Variants in STAT5B observed in about 807,000 individuals in gnomAD.
The protein encoded by STAT5B is transcription factor STAT5B.
In STAT5B, 21 loss-of-function variants were observed where a neutral mutation model predicts 107.8. The observed-to-expected ratio is 0.19, with a 90% CI of 0.14 to 0.28. STAT5B has a LOEUF of 0.28. Among genes scored for constraint, STAT5B ranks in the 10% least tolerant of loss-of-function variants. The probability of loss-of-function intolerance (pLI) is 1.00; values close to 1 mark genes in which losing one functional copy is unlikely to be tolerated. For missense variants in STAT5B, 565 were observed against 1,008.2 expected (o/e 0.56, Z 5.95); for synonymous variants, 325 against 401.7 (o/e 0.81, Z 2.28).
rs2080042308 is a variant in STAT5B, at chr17:42,201,420, C to T, written c.*318G>A. ...TTCCAGGCTTCACGAAACTCACTGC[C>T]TTTTTGCACAAAGTAAAAACCACCA... On this transcript the variant is annotated 3_prime_UTR_variant, in exon 19 of 19. Coordinates refer to ENST00000293328, the MANE Select transcript of STAT5B (RefSeq NM_012448.4). 8 of 596,970 alleles carry T rather than the reference C, an allele frequency of 1.3e-5. No individual in the cohort carries two copies. The South Asian group carries it at 1.4e-4, about 11-fold the overall frequency. The allele number at this position is 596,970 out of a possible 1,614,324, so 37.0% of individuals were successfully genotyped here.
Position 42,219,846 on chromosome 17 carries a change from G to A in STAT5B, c.551-4C>T. The A allele has an allele frequency of 1.9e-6, 3 of 1,614,190 alleles. No individual in the cohort carries two copies. Among genetic ancestry groups the A allele is most frequent in the South Asian group, 1.1e-5 (1 of 91,080 alleles). On this transcript the variant is annotated splice_region_variant and splice_polypyrimidine_tract_variant and intron_variant, in intron 5 of 18. Coordinates refer to ENST00000293328, the MANE Select transcript of STAT5B (RefSeq NM_012448.4). ...TGGGCCAGCGGGCCAAACTGAGCTA[G>A]AGGAGGGGAGAGGAAACCATGACCA... is the stretch of plus-strand genomic sequence containing the variant.
chr17:42,283,205 G>A, the STAT5B span, among the ~76,000 whole-genome samples: 5 of 152,234 alleles, frequency 3.3e-5, no homozygotes, highest in South Asian at 1.0e-3. Flanking sequence ...CGGGAAGAGC[G>A]GCCTGATAGT....
At chr17:42,202,614 G>T in intron 17 of STAT5B, 143 bp downstream of exon 17, 2 of 1,485,690 alleles carry the variant, frequency 1.3e-6, no homozygotes, top group Middle Eastern at 2.4e-4. Context: ...TACTGGCATA[G>T]CATCACCAAG....
At chr17:42,202,318 C>T in intron 18 of STAT5B, 22 bp downstream of exon 18, 3 of 1,613,514 alleles carry the variant, frequency 1.9e-6, no homozygotes, top group South Asian at 2.2e-5. Flanking sequence ...CCCCTGTGGA[C>T]CCCCACAAGA....
chr17:42,206,012 C>A (rs1254788671), intron 16 of STAT5B, among the ~76,000 whole-genome samples: 1 of 152,142 alleles, frequency 6.6e-6, no homozygotes, highest in East Asian at 1.9e-4. Context: ...CTTCTCTATC[C>A]CTCTACCTTG....
At chr17:42,220,971 C>A (rs2144256697) in intron 5 of STAT5B, among the ~76,000 whole-genome samples, 1 of 151,936 alleles carries the variant, frequency 6.6e-6, no homozygotes, top group Admixed American at 6.6e-5. Context: ...TTCCCATCAC[C>A]TTCTCAACAG....
chr17:42,212,580 C>T (rs111947797), intron 12 of STAT5B, among the ~76,000 whole-genome samples: 4,199 of 152,320 alleles, frequency 0.028, 205 homozygotes, highest in African/African-American at 0.097. Flanking sequence ...CGTATGTGTG[C>T]ACACGTGTCG....
At chr17:42,212,342 G>A in intron 12 of STAT5B, 152 bp from the exon 13 acceptor site, 1 of 1,325,628 alleles carries the variant, frequency 7.5e-7, no homozygotes, top group Non-Finnish European at 1.0e-6. Flanking sequence ...GGGGTACACG[G>A]TTCTGTGAAA....
chr17:42,263,011 TATATAA>T (rs1331457294), intron 1 of STAT5B, among the ~76,000 whole-genome samples: 59 of 41,932 alleles, frequency 1.4e-3, no homozygotes, highest in African/African-American at 8.3e-3. Flanking sequence ...TATATATATA[TATATAA>T]AAAAACAAAA....
intron 2 of STAT5B, among the ~76,000 whole-genome samples, chr17:42,228,781 G>T (rs961785407): frequency 2.0e-5 from 3 of 152,056 alleles, no homozygotes; most frequent in African/African-American, 7.2e-5. Context: ...AAACACAAAA[G>T]AAATTATCCG....
upstream of STAT5B, among the ~76,000 whole-genome samples, chr17:42,279,571 C>G (rs939626186): frequency 1.6e-4 from 24 of 152,052 alleles, no homozygotes; most frequent in Admixed American, 5.2e-4. Flanking sequence ...GTGGATCACC[C>G]GAGATCGGGA....
At chr17:42,248,973 G>GATC in intron 1 of STAT5B, among the ~76,000 whole-genome samples, 1 of 152,380 alleles carries the variant, frequency 6.6e-6, no homozygotes, top group East Asian at 1.9e-4. Context: ...AGGGCAGTAA[G>GATC]ATCATATGGA....
chr17:42,279,478 A>G (rs2144459441), upstream of STAT5B, among the ~76,000 whole-genome samples: 1 of 152,072 alleles, frequency 6.6e-6, no homozygotes, highest in South Asian at 2.1e-4. Context: ...TGGCAGCCAC[A>G]GGGCGCTAGT....
chr17:42,223,338 G>C (rs1336296813), intron 5 of STAT5B, 44 bp downstream of exon 5: 2 of 1,613,684 alleles, frequency 1.2e-6, no homozygotes. Flanking sequence ...CCAGTCCCCA[G>C]GCCCAATCCT....
intron 1 of STAT5B, among the ~76,000 whole-genome samples, chr17:42,255,110 C>T (rs117877344): frequency 1.4e-4 from 21 of 152,252 alleles, no homozygotes; most frequent in Admixed American, 5.9e-4. Flanking sequence ...AGTTTCTTAA[C>T]TGTCGTTTCT....
chr17:42,215,388 T>C (rs2080162838), intron 12 of STAT5B, among the ~76,000 whole-genome samples: 1 of 152,144 alleles, frequency 6.6e-6, no homozygotes, highest in African/African-American at 2.4e-5. Flanking sequence ...TTCTATGTTA[T>C]CTAATTTAAT....
chr17:42,237,791 G>A (rs955487268), intron 1 of STAT5B, among the ~76,000 whole-genome samples: 1 of 152,148 alleles, frequency 6.6e-6, no homozygotes, highest in African/African-American at 2.4e-5. Flanking sequence ...AAGACAGCCT[G>A]TTAAGCCTCT....
intron 5 of STAT5B, among the ~76,000 whole-genome samples, chr17:42,220,829 A>G (rs2080219541): frequency 6.6e-6 from 1 of 152,170 alleles, no homozygotes; most frequent in Non-Finnish European, 1.5e-5. Flanking sequence ...GGGAACGTGG[A>G]ACACAGGAGC....
At chr17:42,253,437 G>C (rs2080516256) in intron 1 of STAT5B, among the ~76,000 whole-genome samples, 1 of 152,164 alleles carries the variant, frequency 6.6e-6, no homozygotes, top group Non-Finnish European at 1.5e-5. Flanking sequence ...CCTATGACAA[G>C]AGATGGGAAA....
Sources: gnomAD v4.1 joint callset for allele counts (sites outside exome capture counted in the v4.1 genomes callset) on GRCh38, gnomAD v4.1.1 for gene constraint, MANE v1.5 for transcripts, NCBI Gene and HGNC (gene_info 2026-07-23, HGNC 2026-07-21) for gene names.